The following RSU1 variants were observed in gnomAD, a reference collection of about 807,000 sequenced individuals.
The protein encoded by RSU1 is Ras suppressor protein 1.
A neutral mutation model predicts 31.1 loss-of-function variants in RSU1; 26 were observed. That is an observed-to-expected ratio of 0.84 (90% CI 0.61 to 1.16). The LOEUF (loss-of-function observed/expected upper bound fraction) is 1.16. Among genes scored for constraint, RSU1 ranks in the 50% most tolerant of loss-of-function variants. RSU1 has a pLI of 0.00. For synonymous variants in RSU1, 164 were observed against 136.3 expected, an observed-to-expected ratio of 1.20 and a Z score of -1.41; for missense variants, 320 against 339.1, an observed-to-expected ratio of 0.94 and a Z score of 0.44.
intron 8 of RSU1, among the ~76,000 whole-genome samples, chr10:16,657,016 T>C (rs746642344): frequency 6.6e-6 from 1 of 152,238 alleles, no homozygotes; most frequent in Non-Finnish European, 1.5e-5. Context: ...AGTATAGCTT[T>C]AGAGGCTGAG....
chr10:16,721,817 A>T (rs1032670329), intron 7 of RSU1: 6 of 152,186 alleles, frequency 3.9e-5, no homozygotes, highest in Admixed American at 6.5e-5. Flanking sequence ...GGACAAGTTC[A>T]TATTTACCCT....
chr10:16,653,818 T>C (rs777685494), intron 8 of RSU1, among the ~76,000 whole-genome samples: 4 of 152,034 alleles, frequency 2.6e-5, no homozygotes, highest in African/African-American at 7.2e-5. Context: ...GGTACGAAAA[T>C]TGGGGAGAGG....
At chr10:16,635,978 G>A (rs1043099533) in intron 8 of RSU1, among the ~76,000 whole-genome samples, 7 of 152,132 alleles carry the variant, frequency 4.6e-5, no homozygotes, top group Non-Finnish European at 7.3e-5. Context: ...CCAGGACACT[G>A]CGCCCTCTCG....
intron 2 of RSU1, among the ~76,000 whole-genome samples, chr10:16,806,808 C>CA (rs1191267748): frequency 6.6e-6 from 1 of 152,188 alleles, no homozygotes; most frequent in East Asian, 1.9e-4. Context: ...GGCTGGAGTA[C>CA]AATGGCGTGA....
chr10:16,777,887 C>G (rs149664856), intron 3 of RSU1, among the ~76,000 whole-genome samples: 1 of 152,108 alleles, frequency 6.6e-6, no homozygotes, highest in Admixed American at 6.5e-5. Context: ...CGCATCTGAG[C>G]GGTCATGAAA....
intron 2 of RSU1, 38 bp downstream of exon 2, chr10:16,816,935 C>A (rs767939098): frequency 1.4e-6 from 2 of 1,439,868 alleles, no homozygotes; most frequent in East Asian, 4.5e-5. Context: ...AGAAAGCCTT[C>A]CAGCTCATCC....
chr10:16,693,231 G>A (rs932826759), intron 8 of RSU1, among the ~76,000 whole-genome samples: 11 of 152,196 alleles, frequency 7.2e-5, no homozygotes, highest in Non-Finnish European at 2.9e-5. Flanking sequence ...GGGGTTGCAG[G>A]CGTGAGCCAC....
At chr10:16,725,680 G>C (rs1307872317) in intron 7 of RSU1, among the ~76,000 whole-genome samples, 2 of 151,660 alleles carry the variant, frequency 1.3e-5, no homozygotes, top group East Asian at 3.9e-4. Context: ...AGTGTCACCA[G>C]ATGGAATGCA....
At chr10:16,735,430 A>G (rs1424964581) in intron 7 of RSU1, among the ~76,000 whole-genome samples, 1 of 152,136 alleles carries the variant, frequency 6.6e-6, no homozygotes, top group Non-Finnish European at 1.5e-5. Flanking sequence ...AAATAATTAT[A>G]CCTTTCCACA....
intron 8 of RSU1, among the ~76,000 whole-genome samples, chr10:16,688,417 C>CAA (rs2131555978): frequency 6.6e-6 from 1 of 152,106 alleles, no homozygotes; most frequent in Admixed American, 6.5e-5. Flanking sequence ...CCATCCTGGC[C>CAA]AACAAGGCGA....
At chr10:16,794,864 C>G (rs562629693) in intron 2 of RSU1, among the ~76,000 whole-genome samples, 1 of 152,130 alleles carries the variant, frequency 6.6e-6, no homozygotes. Flanking sequence ...AAGCAAAGAA[C>G]GCACAGTTCC....
chr10:16,716,879 A>G (rs1836152554), intron 7 of RSU1, among the ~76,000 whole-genome samples: 1 of 152,186 alleles, frequency 6.6e-6, no homozygotes, highest in South Asian at 2.1e-4. Context: ...ATCACTGTGC[A>G]TATGATCACG....
At chr10:16,691,201 A>G (rs2131558835) in intron 8 of RSU1, among the ~76,000 whole-genome samples, 1 of 152,316 alleles carries the variant, frequency 6.6e-6, no homozygotes, top group East Asian at 1.9e-4. Context: ...TTTTTCAGAT[A>G]GGATACTAAA....
chr10:16,659,500 T>C (rs888604550), intron 8 of RSU1, among the ~76,000 whole-genome samples: 1 of 152,190 alleles, frequency 6.6e-6, no homozygotes, highest in African/African-American at 2.4e-5. Flanking sequence ...TAGTTCAGTC[T>C]CTCCCCACTG....
At chr10:16,603,102 C>A (rs140624281) in intron 8 of RSU1, among the ~76,000 whole-genome samples, 1 of 152,088 alleles carries the variant, frequency 6.6e-6, no homozygotes, top group Non-Finnish European at 1.5e-5. Flanking sequence ...CGAATGGCAG[C>A]GTGTGTCTGT....
intron 8 of RSU1, among the ~76,000 whole-genome samples, chr10:16,649,428 G>C (rs542633887): frequency 5.3e-5 from 8 of 152,218 alleles, no homozygotes; most frequent in African/African-American, 1.7e-4. Context: ...TATTGTACCT[G>C]ACAGCTTTGT....
intron 2 of RSU1, among the ~76,000 whole-genome samples, chr10:16,798,413 G>A (rs942159927): frequency 7.2e-5 from 11 of 152,152 alleles, no homozygotes; most frequent in South Asian, 2.1e-4. Context: ...GGGAGAGACC[G>A]GGTGGAGATA....
intron 7 of RSU1, among the ~76,000 whole-genome samples, chr10:16,748,898 C>T (rs1189937189): frequency 7.0e-6 from 1 of 142,136 alleles, no homozygotes; most frequent in Non-Finnish European, 1.5e-5. Context: ...TACCACATAT[C>T]TGTCATTCAT....
At chr10:16,756,385 G>A (rs1161427688) in intron 4 of RSU1, among the ~76,000 whole-genome samples, 2 of 152,078 alleles carry the variant, frequency 1.3e-5, no homozygotes, top group Non-Finnish European at 2.9e-5. Flanking sequence ...AGCAACATGG[G>A]TTTGAACTTC....
Sources: allele counts gnomAD v4.1 joint callset (sites outside exome capture counted in the v4.1 genomes callset), GRCh38; gene constraint gnomAD v4.1.1; transcripts MANE v1.5; gene names NCBI Gene and HGNC (gene_info 2026-07-23, HGNC 2026-07-21).